XKRX: variants seen among roughly 807,000 people sequenced by gnomAD.
The protein encoded by XKRX is XK-related protein 2.
Under a neutral mutation model 22.4 loss-of-function variants are expected in XKRX, and 11 were observed. The observed-to-expected ratio is 0.49, with a 90% confidence interval of 0.31 to 0.81. The LOEUF is 0.81. XKRX is among the 40% of genes least tolerant of loss of function. The pLI, the probability that XKRX is intolerant of heterozygous loss-of-function variation, is 0.05. For synonymous variants in XKRX, 114 were observed against 132.2 expected (o/e 0.86, Z 0.94); for missense variants, 320 against 336.5 (o/e 0.95, Z 0.38).
chrX:100,942,967 C>T, the XKRX span, among the ~76,000 whole-genome samples: 2 of 111,594 alleles, frequency 1.8e-5, no homozygotes, highest in Non-Finnish European at 3.8e-5. Flanking sequence ...ACCATGCTCC[C>T]ATAACATGTT....
chrX:100,950,961 G>A, the XKRX span, among the ~76,000 whole-genome samples: 35 of 111,153 alleles, frequency 3.1e-4, no homozygotes, highest in African/African-American at 1.1e-3. Context: ...GGCTGGGTGC[G>A]GGGGCTCACA....
chrX:100,902,383 C>T, the XKRX span, among the ~76,000 whole-genome samples: 1 of 111,727 alleles, frequency 9.0e-6, no homozygotes, highest in Non-Finnish European at 1.9e-5. Flanking sequence ...AAGAATGAAA[C>T]AATTCCCAAC....
chrX:100,923,190 C>T (rs1655724182), intron 1 of XKRX, 129 bp from the exon 2 acceptor site: 1 of 836,403 alleles, frequency 1.2e-6, no homozygotes. Context: ...CTTACTCCAT[C>T]ACCCTGGCTG....
chrX:100,918,825 C>T (rs2085457838), intron 2 of XKRX, among the ~76,000 whole-genome samples: 2 of 110,699 alleles, frequency 1.8e-5, no homozygotes, highest in African/African-American at 3.3e-5. Context: ...TCCTCCCCCT[C>T]CTCCTCTTTC....
chrX:100,920,704 T>C (rs995660000), intron 2 of XKRX, among the ~76,000 whole-genome samples: 71 of 112,362 alleles, frequency 6.3e-4, no homozygotes, highest in African/African-American at 2.1e-3. Flanking sequence ...TTCCAGAAAT[T>C]TTCTGTGCAA....
chrX:100,913,066 C>T (rs59554663), downstream of XKRX, among the ~76,000 whole-genome samples: 1,280 of 109,133 alleles, frequency 0.012, 20 homozygotes, highest in African/African-American at 0.041. Context: ...TGCATGGTGG[C>T]GGGCGCCTGT....
chrX:100,892,487 TA>T, the XKRX span, among the ~76,000 whole-genome samples: 4 of 110,551 alleles, frequency 3.6e-5, no homozygotes, highest in South Asian at 3.7e-4. Context: ...AAAATAAATG[TA>T]AAAAAAACAA....
At chrX:100,934,334 C>A (rs1273204092), upstream of XKRX, among the ~76,000 whole-genome samples, 3 of 111,517 alleles carry the variant, frequency 2.7e-5, no homozygotes, top group Non-Finnish European at 5.6e-5. Context: ...ACTGGCAGGT[C>A]TGAAACTTGG....
At chrX:100,921,740 T>C (rs1190193440) in intron 2 of XKRX, among the ~76,000 whole-genome samples, 2 of 109,792 alleles carry the variant, frequency 1.8e-5, no homozygotes, top group Non-Finnish European at 3.8e-5. Context: ...ATTAGGTCAG[T>C]GATTGCTTTG....
At chrX:100,923,746 A>C (rs1483286614) in intron 1 of XKRX, among the ~76,000 whole-genome samples, 1 of 111,057 alleles carries the variant, frequency 9.0e-6, no homozygotes, top group African/African-American at 3.3e-5. Context: ...CTGTTTTCTT[A>C]CCTCAAATTC....
At chrX:100,927,853 G>C in intron 1 of XKRX, 117 bp downstream of exon 1, 8 of 922,427 alleles carry the variant, frequency 8.7e-6, no homozygotes, top group Non-Finnish European at 1.2e-5. Flanking sequence ...CCGAGAGTGG[G>C]AGGAAATGAG....
downstream of XKRX, among the ~76,000 whole-genome samples, chrX:100,909,200 C>A (rs2147934915): frequency 8.9e-6 from 1 of 111,967 alleles, no homozygotes; most frequent in African/African-American, 3.2e-5. Flanking sequence ...GCCCCTCTAC[C>A]ATCCTTCTCC....
At chrX:100,900,119 A>T in the XKRX span, among the ~76,000 whole-genome samples, 1 of 111,723 alleles carries the variant, frequency 9.0e-6, no homozygotes, top group Admixed American at 9.5e-5. Context: ...GCACTTTGGG[A>T]GGCACAATCT....
At chrX:100,933,328 A>C (rs2085526523), upstream of XKRX, among the ~76,000 whole-genome samples, 1 of 110,108 alleles carries the variant, frequency 9.1e-6, no homozygotes, top group East Asian at 2.8e-4. Flanking sequence ...CTAAAAATAC[A>C]AAAATTAGCC....
the XKRX span, among the ~76,000 whole-genome samples, chrX:100,897,593 A>ATATGTG: frequency 2.0e-4 from 13 of 66,458 alleles, no homozygotes; most frequent in African/African-American, 6.0e-4. Flanking sequence ...AAATATATAT[A>ATATGTG]TGTGTGTGTG....
chrX:100,949,829 G>A, the XKRX span, among the ~76,000 whole-genome samples: 307 of 111,991 alleles, frequency 2.7e-3, 10 homozygotes, highest in Admixed American at 0.024. Context: ...ATCTGACAAG[G>A]ATTTTAAAGC....
downstream of XKRX, chrX:100,911,623 T>C: frequency 4.8e-6 from 2 of 415,340 alleles, no homozygotes; most frequent in East Asian, 4.0e-5. Context: ...ATTGCAAACA[T>C]TAAAATGGTT....
chrX:100,937,086 G>T, the XKRX span, among the ~76,000 whole-genome samples: 266 of 108,349 alleles, frequency 2.5e-3, 2 homozygotes, highest in Non-Finnish European at 4.5e-3. Context: ...CTGCCTCCCA[G>T]GGTCAAGCGA....
the XKRX span, among the ~76,000 whole-genome samples, chrX:100,892,475 T>A: frequency 6.3e-5 from 7 of 110,827 alleles, no homozygotes; most frequent in South Asian, 1.5e-3. Flanking sequence ...CTAAAAAAAA[T>A]TAAAATAAAT....
Sources: gnomAD v4.1 joint callset for allele counts (sites outside exome capture counted in the v4.1 genomes callset) on GRCh38, gnomAD v4.1.1 for gene constraint, MANE v1.5 for transcripts, NCBI Gene and HGNC (gene_info 2026-07-23, HGNC 2026-07-21) for gene names.